Variants in ACVR1B observed in about 807,000 individuals in gnomAD.
The protein encoded by ACVR1B is activin receptor type-1B.
ACVR1B carries 15 observed loss-of-function variants against 55.6 expected under a neutral mutation model. The ratio of observed to expected loss-of-function variants is 0.27; its 90% CI spans 0.18 to 0.42. ACVR1B has a LOEUF of 0.42. Ranked by LOEUF, ACVR1B falls within the 10% of genes least tolerant of loss-of-function variation. The probability of loss-of-function intolerance (pLI) is 1.00; values close to 1 mark genes in which losing one functional copy is unlikely to be tolerated. For missense variants in ACVR1B, 359 were observed against 670.1 expected (o/e 0.54, Z 5.13); for synonymous variants, 247 against 254.6 (o/e 0.97, Z 0.28).
In ACVR1B at chr12:51,994,893, C is replaced by T. The variant is rs764688093; in HGVS notation, c.*783C>T. 2.6e-5 allele frequency: 4 copies of T among 153,120 alleles called. No homozygotes were observed. Among genetic ancestry groups the T allele is most frequent in the Admixed American group, 2.0e-4 (3 of 15,284 alleles). The allele number at this position is 153,120 out of a possible 1,614,324, so 9.5% of individuals were successfully genotyped here. A position where few individuals can be genotyped will look rare whatever the true frequency, so the allele number is the denominator to read the frequency against. ...CTTCCCTGGAGGTCTCTCCCTCCCC[C>T]AGAGCCCCTCATGCCACAGTGGTAC... On this transcript the variant is annotated 3_prime_UTR_variant, in exon 9 of 9. Coordinates refer to ENST00000257963, the MANE Select transcript of ACVR1B (RefSeq NM_004302.5). This position sits in a 1 kb window ranked among gnomAD's most constrained non-coding sequence, Gnocchi z 4.2.
rs565377992 is a variant in ACVR1B at position 51,988,291 on chromosome 12, A to G, written c.1261+1349A>G. Among the ~76,000 whole-genome samples the G allele has an allele frequency of 3.3e-5, 5 of 152,330 alleles. No homozygotes were observed. In the East Asian group the frequency reaches 9.6e-4, roughly 29 times the overall value. On this transcript the variant is annotated intron_variant, in intron 7 of 8. Coordinates refer to ENST00000257963, the MANE Select transcript of ACVR1B (RefSeq NM_004302.5). ...CGAGACCATCCTGGCCAACATGGTG[A>G]AACCCTGTCTCTACTAAAAATACAA...
chr12:51,969,331 G>A (rs1277630013), intron 1 of ACVR1B, among the ~76,000 whole-genome samples: 4 of 152,136 alleles, frequency 2.6e-5, no homozygotes, highest in African/African-American at 9.7e-5. Flanking sequence ...CAGATGTTTA[G>A]TGTGGACCTA....
At chr12:51,983,711 C>G (rs1368268911) in intron 4 of ACVR1B, among the ~76,000 whole-genome samples, 1 of 152,200 alleles carries the variant, frequency 6.6e-6, no homozygotes, top group Non-Finnish European at 1.5e-5. Context: ...TTCCTGAGTA[C>G]CTCACATTTC....
Position 51,975,291 on chromosome 12 carries a change from C to T in ACVR1B, c.118C>T (p.Leu40Phe). 1 of 1,613,530 alleles carries T rather than the reference C, an allele frequency of 6.2e-7. No individual in the cohort carries two copies. Among genetic ancestry groups the T allele is most frequent in the Non-Finnish European group, 8.5e-7 (1 of 1,180,004 alleles). ...TCTGCTGTGTGCGTGCACCAGCTGC[C>T]TCCAGGCCAACTACACGTGTGAGAC... ...QALLCACTSC[L>F]QANYTCETDG... is the part of the protein sequence containing the mutation. The change falls in exon 2 of 9, where the codon CTC becomes TTC. Residue 40 changes from leucine to phenylalanine, a missense_variant. Physicochemically the swap from Leu to Phe is conservative, Grantham distance 22 (BLOSUM62 0). Coordinates refer to ENST00000257963, the MANE Select transcript of ACVR1B (RefSeq NM_004302.5).
In ACVR1B at chr12:51,991,888, A is replaced by G. The variant is rs1942200044; in HGVS notation, c.1287A>G (p.Pro429=). ...SGGVHEEYQL[P]YYDLVPSDPS... is the part of the protein sequence containing the mutation. Reference sequence around the variant, plus strand: ...GAGTCCATGAAGAATATCAGCTGCCATATTACGACTTAGTGCCCTCTGACC... The same window carrying G: ...GAGTCCATGAAGAATATCAGCTGCCGTATTACGACTTAGTGCCCTCTGACC... Residue 429 remains proline (P), a synonymous_variant, in exon 8 of 9, where the codon CCA becomes CCG. Transcript: ENST00000257963. The G allele has an allele frequency of 6.2e-7, 1 of 1,613,992 alleles. No homozygotes were observed. The highest frequency in any genetic ancestry group is 1.7e-5 in the Admixed American group (1 of 59,968).
chr12:51,952,259 T>G (rs901228623), intron 1 of ACVR1B, among the ~76,000 whole-genome samples: 1 of 151,514 alleles, frequency 6.6e-6, no homozygotes, highest in African/African-American at 2.4e-5. Context: ...CCGCCAAGAC[T>G]GTGGGGTTCG....
intron 3 of ACVR1B, among the ~76,000 whole-genome samples, chr12:51,980,469 GCT>G (rs1228686183): frequency 3.9e-5 from 6 of 152,298 alleles, no homozygotes; most frequent in South Asian, 2.1e-4. Flanking sequence ...GCAGAGCATT[GCT>G]CTCTTTGGAG....
intron 1 of ACVR1B, among the ~76,000 whole-genome samples, chr12:51,969,562 G>A (rs1165958744): frequency 1.3e-5 from 2 of 152,196 alleles, no homozygotes; most frequent in East Asian, 3.8e-4. Context: ...TGGCAGTATG[G>A]TTTCTCTAAA....
chr12:51,993,827 A>AGCCTT, intron 8 of ACVR1B, among the ~76,000 whole-genome samples, 158 bp from the exon 9 acceptor site: 1 of 139,340 alleles, frequency 7.2e-6, no homozygotes, highest in South Asian at 2.4e-4. Context: ...GAACAAAGGG[A>AGCCTT]GCCTTGCAGA....
intron 7 of ACVR1B, among the ~76,000 whole-genome samples, chr12:51,990,704 A>G (rs577673596): frequency 3.9e-5 from 6 of 152,180 alleles, no homozygotes; most frequent in Admixed American, 6.5e-5. Flanking sequence ...CGGGGTTCCA[A>G]TAAGTTTTAT....
In ACVR1B at chr12:51,987,996, A is replaced by G. The variant is rs561166708; in HGVS notation, c.1261+1054A>G. Among the ~76,000 whole-genome samples the G allele has an allele frequency of 2.0e-5, 3 of 152,364 alleles. No individual in the cohort carries two copies. The East Asian group carries it at 5.8e-4, about 29-fold the overall frequency. On this transcript the variant is annotated intron_variant, in intron 7 of 8. Coordinates refer to ENST00000257963, the MANE Select transcript of ACVR1B (RefSeq NM_004302.5). ...TACTGTGTTCCCACAAAAATTAAAA[A>G]TTAAAAAAATCTAATCTACAAAAAA...
At chr12:51,989,178 C>T (rs1228793225) in intron 7 of ACVR1B, among the ~76,000 whole-genome samples, 1 of 151,986 alleles carries the variant, frequency 6.6e-6, no homozygotes, top group African/African-American at 2.4e-5. Flanking sequence ...GACTCCATCT[C>T]TACTTAAAAG....
chr12:51,969,443 A>G (rs983892269), intron 1 of ACVR1B, among the ~76,000 whole-genome samples: 8 of 152,158 alleles, frequency 5.3e-5, no homozygotes, highest in South Asian at 2.1e-4. Flanking sequence ...TTACTCCTAT[A>G]TGTGTAAAGA....
chr12:51,951,735 GT>G lies in ACVR1B; in HGVS notation c.-8del. ...GGCTGCGGCGGCGGCGGCGGCGGCG[GT>G]GGTTACTATGGCGGAGTCGGCCGGA... On this transcript the variant is annotated 5_prime_UTR_variant, in exon 1 of 9. Coordinates refer to ENST00000257963, the MANE Select transcript of ACVR1B (RefSeq NM_004302.5). The G allele has an allele frequency of 1.6e-6, 2 of 1,242,856 alleles. No individual in the cohort carries two copies. The highest frequency in any genetic ancestry group is 1.6e-5 in the African/African-American group (1 of 63,526). 77.0% of individuals were successfully genotyped at this position (1,242,856 alleles called of 1,614,324 possible). A position where few individuals can be genotyped will look rare whatever the true frequency, so the allele number is the denominator to read the frequency against.
At position 51,985,254 on chromosome 12, in the gene ACVR1B, A is replaced by T. The variant is rs760684499; in HGVS notation, c.1042A>T (p.Met348Leu). The change falls in exon 6 of 9, where the codon ATG becomes TTG. Residue 348 changes from methionine (M) to leucine (L), a missense_variant. This residue lies in a region of ACVR1B where 119 missense variants were observed against 340.2 expected (regional missense o/e 0.35). Transcript: ENST00000257963. ...GAACATTCTGGTGAAGAAAAATGGC[A>T]TGTGTGCCATAGCAGACCTGGGCCT... is the stretch of plus-strand genomic sequence containing the variant. ...SKNILVKKNG[M>L]CAIADLGLAV... 6.2e-7 allele frequency: 1 copy of T among 1,614,022 alleles called. No individual in the cohort carries two copies. The highest frequency in any genetic ancestry group is 8.5e-7 in the Non-Finnish European group (1 of 1,179,964).
At chr12:51,954,131 C>T (rs540134624) in intron 1 of ACVR1B, among the ~76,000 whole-genome samples, 1 of 152,274 alleles carries the variant, frequency 6.6e-6, no homozygotes, top group South Asian at 2.1e-4. Context: ...ATATAGTGCT[C>T]CCCTACGTGG....
chr12:51,981,343 C>T lies in ACVR1B; in HGVS notation c.811+144C>T, dbSNP rs921595921. On this transcript the variant is annotated intron_variant, in intron 4 of 8. Coordinates refer to ENST00000257963, the MANE Select transcript of ACVR1B (RefSeq NM_004302.5). The stretch of plus-strand genomic sequence containing the variant: ...GTAAGGTCAAGGTTTCCATGCTTTC[C>T]TTAAAGTGTGGAGCCTTTTATTCCA... The T allele has an allele frequency of 1.8e-5, 12 of 666,564 alleles. No individual in the cohort carries two copies. In the African/African-American group the frequency reaches 2.2e-4, roughly 12 times the overall value. The allele number at this position is 666,564 out of a possible 1,614,324, so 41.3% of individuals were successfully genotyped here.
chr12:51,952,283 T>C (rs1941313896), intron 1 of ACVR1B, among the ~76,000 whole-genome samples: 1 of 152,106 alleles, frequency 6.6e-6, no homozygotes, highest in African/African-American at 2.4e-5. Flanking sequence ...GGTGGGGTCT[T>C]AGCCTCTCCG....
chr12:51,967,613 G>A (rs1941667875), intron 1 of ACVR1B, among the ~76,000 whole-genome samples: 1 of 152,180 alleles, frequency 6.6e-6, no homozygotes, highest in Non-Finnish European at 1.5e-5. Context: ...ACCTGCTAGA[G>A]AATCGGTGGC....
Sources: gnomAD v4.1 joint callset for allele counts (sites outside exome capture counted in the v4.1 genomes callset) on GRCh38, gnomAD v4.1.1 for gene constraint, gnomAD v4.1.1 regional missense constraint, Gnocchi (gnomAD v3.1) non-coding constraint, MANE v1.5 for transcripts, NCBI Gene and HGNC (gene_info 2026-07-23, HGNC 2026-07-21) for gene names.